The following THSD7B variants were observed in gnomAD, a reference collection of about 807,000 sequenced individuals.
The protein encoded by THSD7B is thrombospondin type-1 domain-containing protein 7B.
Under a neutral mutation model 213.6 loss-of-function variants are expected in THSD7B, and 138 were observed. The ratio of observed to expected loss-of-function variants is 0.65; its 90% CI spans 0.56 to 0.74. The LOEUF (loss-of-function observed/expected upper bound fraction) is 0.74, where lower values mean the gene tolerates loss of function less well. THSD7B is among the 30% of genes least tolerant of loss of function. The pLI is 0.00. For synonymous variants in THSD7B, 742 were observed against 687.0 expected, an observed-to-expected ratio of 1.08 and a Z score of -1.25; for missense variants, 1,931 against 1,991.5, an observed-to-expected ratio of 0.97 and a Z score of 0.58.
At chr2:137,096,116 G>A (rs562818378) in intron 4 of THSD7B, among the ~76,000 whole-genome samples, 1 of 152,134 alleles carries the variant, frequency 6.6e-6, no homozygotes, top group East Asian at 1.9e-4. Flanking sequence ...TTTGATAACA[G>A]ACAGAAATCT....
At chr2:137,665,610 C>T in intron 26 of THSD7B, among the ~76,000 whole-genome samples, 1 of 151,994 alleles carries the variant, frequency 6.6e-6, no homozygotes, top group East Asian at 1.9e-4. Context: ...ATTTACCTGT[C>T]ATATATTTTG....
intron 10 of THSD7B, among the ~76,000 whole-genome samples, chr2:137,253,206 A>G (rs1484595280): frequency 3.3e-5 from 5 of 152,122 alleles, no homozygotes; most frequent in Admixed American, 2.0e-4. Flanking sequence ...TGTGATTCCT[A>G]TCAGTGGTCT....
At chr2:137,318,555 G>C (rs1388052139) in intron 12 of THSD7B, among the ~76,000 whole-genome samples, 2 of 152,030 alleles carry the variant, frequency 1.3e-5, no homozygotes, top group Non-Finnish European at 2.9e-5. Context: ...GCAGGGCACT[G>C]AAACAGAGGA....
chr2:137,286,874 T>C (rs1248812590), intron 12 of THSD7B, among the ~76,000 whole-genome samples: 2 of 152,152 alleles, frequency 1.3e-5, no homozygotes, highest in Non-Finnish European at 2.9e-5. Flanking sequence ...TGTAACTGTA[T>C]TCTAAGAGGG....
At chr2:137,582,187 C>G (rs1360777665) in intron 17 of THSD7B, among the ~76,000 whole-genome samples, 1 of 152,108 alleles carries the variant, frequency 6.6e-6, no homozygotes, top group Non-Finnish European at 1.5e-5. Context: ...TCAGGACGTT[C>G]TGGTTCAAGA....
chr2:137,122,441 A>G (rs1390974990), intron 5 of THSD7B, among the ~76,000 whole-genome samples: 4 of 152,176 alleles, frequency 2.6e-5, no homozygotes, highest in African/African-American at 7.2e-5. Flanking sequence ...TGTTCATATG[A>G]AAGGGACAGA....
intron 1 of THSD7B, among the ~76,000 whole-genome samples, chr2:136,793,246 T>A (rs1681999468): frequency 1.3e-5 from 2 of 152,038 alleles, no homozygotes; most frequent in African/African-American, 4.8e-5. Flanking sequence ...CAATACTTGG[T>A]AATGTCCATC....
At chr2:137,397,058 C>T (rs954970240) in intron 12 of THSD7B, among the ~76,000 whole-genome samples, 2 of 146,004 alleles carry the variant, frequency 1.4e-5, no homozygotes, top group African/African-American at 5.1e-5. Flanking sequence ...CTATGTGTGT[C>T]TCTGCACGTG....
At chr2:137,214,282 A>G (rs1238735243) in intron 7 of THSD7B, among the ~76,000 whole-genome samples, 2 of 152,168 alleles carry the variant, frequency 1.3e-5, no homozygotes, top group Non-Finnish European at 2.9e-5. Flanking sequence ...TATGTTTACA[A>G]CATCAAGTTG....
intron 12 of THSD7B, among the ~76,000 whole-genome samples, chr2:137,380,650 C>T (rs1685752678): frequency 6.6e-6 from 1 of 152,202 alleles, no homozygotes; most frequent in East Asian, 1.9e-4. Flanking sequence ...GGTGAGATAA[C>T]AGATTCTTTC....
intron 14 of THSD7B, among the ~76,000 whole-genome samples, chr2:137,415,871 T>C (rs1003988808): frequency 2.0e-5 from 3 of 152,114 alleles, no homozygotes; most frequent in African/African-American, 7.2e-5. Context: ...CCAGTCTTTA[T>C]GTTTTTTCAT....
intron 2 of THSD7B, among the ~76,000 whole-genome samples, chr2:137,028,484 C>T (rs1686596401): frequency 6.6e-6 from 1 of 152,132 alleles, no homozygotes; most frequent in South Asian, 2.1e-4. Flanking sequence ...TTATCTTTGC[C>T]ATACTATAGG....
intron 12 of THSD7B, among the ~76,000 whole-genome samples, chr2:137,387,007 G>T (rs1685910818): frequency 6.6e-6 from 1 of 152,146 alleles, no homozygotes; most frequent in Non-Finnish European, 1.5e-5. Context: ...TGCTAGAATT[G>T]AAAAGAATCA....
intron 7 of THSD7B, among the ~76,000 whole-genome samples, chr2:137,230,790 T>C (rs987404345): frequency 1.3e-5 from 2 of 152,208 alleles, no homozygotes; most frequent in African/African-American, 4.8e-5. Context: ...GGTCCATCTT[T>C]AGCCATCCGT....
chr2:137,039,691 A>T (rs570300656), intron 2 of THSD7B, among the ~76,000 whole-genome samples: 5 of 152,336 alleles, frequency 3.3e-5, no homozygotes, highest in African/African-American at 1.2e-4. Flanking sequence ...GATTAAAGCA[A>T]ACAGTGTCCT....
chr2:137,065,465 C>T (rs1356169874), intron 3 of THSD7B, among the ~76,000 whole-genome samples: 2 of 151,814 alleles, frequency 1.3e-5, no homozygotes, highest in Non-Finnish European at 2.9e-5. Context: ...TTGACTTCTT[C>T]CTTTCCAGTT....
intron 1 of THSD7B, among the ~76,000 whole-genome samples, chr2:136,873,925 G>C (rs1683485259): frequency 6.6e-6 from 1 of 152,172 alleles, no homozygotes; most frequent in Admixed American, 6.5e-5. Context: ...GGACTGTTTT[G>C]TGACCCAGCT....
chr2:136,966,758 C>G (rs1395737385), intron 2 of THSD7B, among the ~76,000 whole-genome samples: 1 of 152,064 alleles, frequency 6.6e-6, no homozygotes, highest in African/African-American at 2.4e-5. Flanking sequence ...CCCAGAGTAC[C>G]CTCTTTGCCG....
At chr2:136,844,524 T>C (rs1470297057) in intron 1 of THSD7B, among the ~76,000 whole-genome samples, 1 of 150,794 alleles carries the variant, frequency 6.6e-6, no homozygotes. Context: ...GGTTTCTCCT[T>C]TTCTTTTGTT....
Sources: gnomAD v4.1 joint callset for allele counts (sites outside exome capture counted in the v4.1 genomes callset) on GRCh38, gnomAD v4.1.1 for gene constraint, MANE v1.5 for transcripts, NCBI Gene and HGNC (gene_info 2026-07-23, HGNC 2026-07-21) for gene names.